The following CELSR1 variants were observed in gnomAD, a reference collection of about 807,000 sequenced individuals.
CELSR1 encodes adhesion G protein-coupled receptor C1.
A neutral mutation model predicts 249.1 loss-of-function variants in CELSR1; 110 were observed. The observed-to-expected ratio is 0.44, with a 90% confidence interval of 0.38 to 0.52. The LOEUF is 0.52. Ranked by LOEUF, CELSR1 falls within the 20% of genes least tolerant of loss-of-function variation. The pLI, the probability that CELSR1 is intolerant of heterozygous loss-of-function variation, is 0.00. For synonymous variants in CELSR1, 2,113 were observed against 1,900.0 expected (o/e 1.11, Z -2.92); for missense variants, 4,109 against 4,296.4 (o/e 0.96, Z 1.22).
At chr22:46,477,195 C>T (rs907919000) in intron 1 of CELSR1, among the ~76,000 whole-genome samples, 1 of 152,160 alleles carries the variant, frequency 6.6e-6, no homozygotes, top group Non-Finnish European at 1.5e-5. Flanking sequence ...CTGAGTATGG[C>T]TTGGGTAGAG....
intron 5 of CELSR1, among the ~76,000 whole-genome samples, chr22:46,415,180 C>T (rs541527356): frequency 6.6e-6 from 1 of 152,252 alleles, no homozygotes; most frequent in East Asian, 1.9e-4. Context: ...GATGGAATCT[C>T]GCTCTGTCAC....
rs2079089791 is a variant in CELSR1, at chr22:46,391,420, C to T, written c.6149-133G>A. ...CAAGAACCGAACCCTAGCATCTCCC[C>T]TGCCCCCATCCATGTCAGAGCTGGA... On this transcript the variant is annotated intron_variant, in intron 15 of 34. Coordinates refer to ENST00000674500, the MANE Select transcript of CELSR1 (RefSeq NM_001378328.1). The surrounding 1 kb of genome is among the most constrained non-coding windows in gnomAD (Gnocchi z 4.3). 1.1e-6 allele frequency: 1 copy of T among 910,536 alleles called. No individual in the cohort carries two copies. The highest frequency in any genetic ancestry group is 1.6e-6 in the Non-Finnish European group (1 of 610,456). 56.4% of individuals were successfully genotyped at this position (910,536 alleles called of 1,614,324 possible).
intron 27 of CELSR1, among the ~76,000 whole-genome samples, chr22:46,368,357 C>G (rs2078811024): frequency 6.6e-6 from 1 of 152,112 alleles, no homozygotes; most frequent in Non-Finnish European, 1.5e-5. Flanking sequence ...GCAAGGTCCA[C>G]AGGTCGTGGA....
rs774929408 is a variant in CELSR1, at chr22:46,445,621, A to C, written c.4184-6210T>G. Among the ~76,000 whole-genome samples the C allele has an allele frequency of 6.6e-6, 1 of 152,202 alleles. No homozygotes were observed. The highest frequency in any genetic ancestry group is 2.4e-5 in the African/African-American group (1 of 41,460). On this transcript the variant is annotated intron_variant, in intron 2 of 34. Coordinates refer to ENST00000674500, the MANE Select transcript of CELSR1 (RefSeq NM_001378328.1). This position sits in a 1 kb window ranked among gnomAD's most constrained non-coding sequence, Gnocchi z 4.4. The stretch of plus-strand genomic sequence containing the variant: ...CATTTCCAACTGAGGTCTCATTCTG[A>C]GAGTCTGTGTGGACAAGGATTTTGG...
chr22:46,462,667 G>A, intron 2 of CELSR1: 2 of 195,334 alleles, frequency 1.0e-5, no homozygotes, highest in Non-Finnish European at 1.0e-5. Context: ...AAAAAAGACA[G>A]ACTATTCACC....
Position 46,398,550 on chromosome 22 carries a change from G to A in CELSR1, c.5500C>T (p.Arg1834Cys), listed in dbSNP as rs748872972. Residue 1834 changes from arginine to cysteine, a missense_variant, in exon 11 of 35, where the codon CGC becomes TGC. Arg to Cys is a radical substitution (Grantham distance 180). Around this residue, in one of 7 missense-constraint regions of CELSR1, gnomAD observed 1,805 missense variants for 1,831.6 expected, o/e 0.99. Transcript: ENST00000674500. The surrounding 1 kb of genome is among the most constrained non-coding windows in gnomAD (Gnocchi z 7.2). ...GGASEDKVSVRRGFRGCMQGV... is the reference protein window; with the variant it reads ...GGASEDKVSVCRGFRGCMQGV... ...TGCATGCAGCCTCGGAATCCACGGC[G>A]CACGGAGACCTTGTCTTCAGAGGCG... 1.2e-5 allele frequency: 20 copies of A among 1,612,688 alleles called. No homozygotes were observed. The highest frequency in any genetic ancestry group is 5.0e-5 in the Admixed American group (3 of 59,800).
Position 46,401,861 on chromosome 22 carries a change from TG to T in CELSR1, c.5227-1960del, listed in dbSNP as rs1437791035. Among the ~76,000 whole-genome samples the T allele has an allele frequency of 1.3e-5, 2 of 151,974 alleles. No individual in the cohort carries two copies. Among genetic ancestry groups the T allele is most frequent in the African/African-American group, 4.8e-5 (2 of 41,356 alleles). ...TGTGACTTTGGGAGACCAAGGCGGGTGGATCACCTGAGGTCAGGAGTTTGAG... is the reference window on the plus strand; with the variant it reads ...TGTGACTTTGGGAGACCAAGGCGGGTGATCACCTGAGGTCAGGAGTTTGAG... On this transcript the variant is annotated intron_variant, in intron 9 of 34. Transcript: ENST00000674500. The surrounding 1 kb of genome is among the most constrained non-coding windows in gnomAD (Gnocchi z 4.7).
chr22:46,451,342 C>T (rs1247443847), intron 2 of CELSR1, among the ~76,000 whole-genome samples: 10 of 152,212 alleles, frequency 6.6e-5, no homozygotes, highest in African/African-American at 2.2e-4. Context: ...GCCTTCTCTG[C>T]GTGACTGCAT....
chr22:46,481,594 ACCTGC>A, intron 1 of CELSR1: 1 of 785,280 alleles, frequency 1.3e-6, no homozygotes, highest in Non-Finnish European at 2.2e-6. Context: ...GCACTGGTGC[ACCTGC>A]TCCGTGGAGG....
In CELSR1 at chr22:46,524,563, T is replaced by C. The variant is rs377458133; in HGVS notation, c.3544+9064A>G. ...GTGCGTGTGTGTGTGTGTGTGTGTG[T>C]GTGTGTGTCTGTCTGTCTGTGTGTT... is the stretch of plus-strand genomic sequence containing the variant. On this transcript the variant is annotated intron_variant, in intron 1 of 34. Transcript: ENST00000674500. Among the ~76,000 whole-genome samples the C allele has an allele frequency of 6.0e-3, 357 of 59,448 alleles. 2 individuals are homozygous for C. The highest frequency in any genetic ancestry group is 0.025 in the African/African-American group (325 of 12,760). The allele number at this position is 59,448 out of a possible 152,430, so 39.0% of individuals were successfully genotyped here. A position where few individuals can be genotyped will look rare whatever the true frequency, so the allele number is the denominator to read the frequency against.
chr22:46,403,286 C>T (rs2147297522), intron 9 of CELSR1, among the ~76,000 whole-genome samples: 1 of 152,014 alleles, frequency 6.6e-6, no homozygotes, highest in African/African-American at 2.4e-5. Context: ...CGGTGGCTTA[C>T]ACCTGTAATC....
intron 5 of CELSR1, among the ~76,000 whole-genome samples, chr22:46,420,226 ACACCCACATATGCT>A (rs1270167572): frequency 6.6e-6 from 1 of 151,340 alleles, no homozygotes; most frequent in Non-Finnish European, 1.5e-5. Context: ...ACCCACATTC[ACACCCACATATGCT>A]CACCCACACT....
At position 46,410,472 on chromosome 22, in the gene CELSR1, C is replaced by T; in HGVS notation, c.4859G>A (p.Cys1620Tyr). The T allele has an allele frequency of 6.2e-7, 1 of 1,614,130 alleles. No homozygotes were observed. Among genetic ancestry groups the T allele is most frequent in the Non-Finnish European group, 8.5e-7 (1 of 1,180,030 alleles). Residue 1620 changes from cysteine (C) to tyrosine (Y), a missense_variant, in exon 7 of 35, where the codon TGC (cysteine) becomes TAC (tyrosine). By Grantham distance (194) the Cys-to-Tyr change is radical. This residue lies in a region of CELSR1 where 453 missense variants were observed against 492.0 expected (regional missense o/e 0.92). Coordinates refer to ENST00000674500, the MANE Select transcript of CELSR1 (RefSeq NM_001378328.1). The surrounding 1 kb of genome is among the most constrained non-coding windows in gnomAD (Gnocchi z 6.8). Reference protein sequence around the residue: ...FPVHNRQFVGCMRNLSVDGKN... With the variant: ...FPVHNRQFVGYMRNLSVDGKN... Reference sequence around the variant, plus strand: ...GCCGTCGACTGACAGGTTCCGCATGCAGCCCACGAACTGCCGGTTGTGCAC... The same window carrying T: ...GCCGTCGACTGACAGGTTCCGCATGTAGCCCACGAACTGCCGGTTGTGCAC...
chr22:46,533,425 A>G (rs1406332162), intron 1 of CELSR1, among the ~76,000 whole-genome samples: 1 of 152,254 alleles, frequency 6.6e-6, no homozygotes, highest in Admixed American at 6.5e-5. Context: ...TGCTGACGGA[A>G]GCGGCGCGGT....
intron 1 of CELSR1, among the ~76,000 whole-genome samples, chr22:46,532,091 CG>C (rs920575781): frequency 2.0e-5 from 3 of 152,086 alleles, no homozygotes; most frequent in Admixed American, 6.6e-5. Flanking sequence ...TGGCTAACAG[CG>C]GGGGGGCCCA....
Position 46,409,221 on chromosome 22 carries a change from G to T in CELSR1, c.5060-59C>A. ...CCCGAAATCACACGGCCGCGGACTTGGCTGCAGGGGCGGGGGATGGGCCTG... is the reference window on the plus strand; with the variant it reads ...CCCGAAATCACACGGCCGCGGACTTTGCTGCAGGGGCGGGGGATGGGCCTG... On this transcript the variant is annotated intron_variant, in intron 8 of 34. Coordinates refer to ENST00000674500, the MANE Select transcript of CELSR1 (RefSeq NM_001378328.1). The surrounding 1 kb of genome is among the most constrained non-coding windows in gnomAD (Gnocchi z 9.8). 4 of 1,575,922 alleles carry T rather than the reference G, an allele frequency of 2.5e-6. No homozygotes were observed. Among genetic ancestry groups the T allele is most frequent in the Non-Finnish European group, 3.5e-6 (4 of 1,157,566 alleles).
chr22:46,438,178 A>AC (rs1237301549), intron 3 of CELSR1, among the ~76,000 whole-genome samples: 1 of 152,148 alleles, frequency 6.6e-6, no homozygotes, highest in Non-Finnish European at 1.5e-5. Context: ...GAAAACAGAA[A>AC]CCAAGGCCCA....
Position 46,535,167 on chromosome 22 carries a change from G to T in CELSR1, c.2004C>A (p.Ser668Arg). ...CCGTGATGGACACGCTGGTGGAGGA[G>T]CTCATGGGGGGCGAGCCGTGGTCCA... The part of the protein sequence containing the change: ...EAVDHGSPPM[S>R]SSTSVSITVL... The change falls in exon 1 of 35, where the codon AGC becomes AGA. Residue 668 changes from serine (S) to arginine (R), a missense_variant. Coordinates refer to ENST00000674500, the MANE Select transcript of CELSR1 (RefSeq NM_001378328.1). The T allele has an allele frequency of 6.2e-7, 1 of 1,609,614 alleles. No individual in the cohort carries two copies.
chr22:46,508,108 T>C (rs766924763), intron 1 of CELSR1, among the ~76,000 whole-genome samples: 10 of 152,150 alleles, frequency 6.6e-5, no homozygotes, highest in Non-Finnish European at 1.3e-4. Flanking sequence ...AGCCTGTACA[T>C]GCCCCTTTGT....
Sources: allele counts gnomAD v4.1 joint callset (sites outside exome capture counted in the v4.1 genomes callset), GRCh38; gene constraint gnomAD v4.1.1; regional missense constraint gnomAD v4.1.1; non-coding constraint Gnocchi (gnomAD v3.1); transcripts MANE v1.5; gene names NCBI Gene and HGNC (gene_info 2026-07-23, HGNC 2026-07-21).